The following MGST2 variants were observed in gnomAD, a reference collection of about 807,000 sequenced individuals.
MGST2 encodes glutathione peroxidase MGST2.
In MGST2, 9 loss-of-function variants were observed where a neutral mutation model predicts 16.6. That is an observed-to-expected ratio of 0.54 (90% confidence interval 0.33 to 0.95). MGST2 has a LOEUF of 0.95. Ranked by LOEUF, MGST2 falls within the 40% of genes least tolerant of loss-of-function variation. MGST2 has a pLI of 0.03. For synonymous variants in MGST2, 79 were observed against 68.0 expected (o/e 1.16, Z -0.79); for missense variants, 159 against 175.1 (o/e 0.91, Z 0.52).
downstream of MGST2, among the ~76,000 whole-genome samples, chr4:139,742,958 A>G (rs1277629950): frequency 2.6e-5 from 4 of 152,170 alleles, no homozygotes; most frequent in African/African-American, 9.6e-5. Context: ...CCAGTTTCCT[A>G]ATTTCTTTCC....
chr4:139,678,435 G>T, intron 1 of MGST2, 108 bp from the exon 2 acceptor site: 1 of 812,782 alleles, frequency 1.2e-6, no homozygotes, highest in South Asian at 1.5e-5. Flanking sequence ...TTTGATTTTA[G>T]ACATTGTAAT....
chr4:139,666,628 A>C (rs1163643208), intron 1 of MGST2, among the ~76,000 whole-genome samples: 1 of 152,208 alleles, frequency 6.6e-6, no homozygotes, highest in African/African-American at 2.4e-5. Flanking sequence ...ACAGCTTCCC[A>C]CTAGGATTAT....
chr4:139,745,377 CAGATT>C (rs1394811899), downstream of MGST2, among the ~76,000 whole-genome samples: 1 of 152,136 alleles, frequency 6.6e-6, no homozygotes, highest in African/African-American at 2.4e-5. Flanking sequence ...AAGCTAGTGT[CAGATT>C]AGAACAGGGC....
At chr4:139,686,089 T>C (rs1028339609) in intron 2 of MGST2, among the ~76,000 whole-genome samples, 4 of 152,232 alleles carry the variant, frequency 2.6e-5, no homozygotes, top group African/African-American at 9.6e-5. Context: ...TAGGGAGATA[T>C]GAAACTTCAA....
intron 5 of MGST2, among the ~76,000 whole-genome samples, chr4:139,710,963 C>T (rs780257114): frequency 1.3e-5 from 2 of 151,124 alleles, no homozygotes; most frequent in African/African-American, 2.4e-5. Context: ...GTGGGGGTAA[C>T]AGGACAGAGA....
intron 2 of MGST2, among the ~76,000 whole-genome samples, chr4:139,680,934 T>A (rs1209752731): frequency 2.6e-5 from 4 of 152,214 alleles, no homozygotes; most frequent in Non-Finnish European, 5.9e-5. Flanking sequence ...AATAGCATTG[T>A]GCTTGTTGAG....
At chr4:139,701,654 AG>A (rs1449914512) in intron 3 of MGST2, among the ~76,000 whole-genome samples, 5 of 152,120 alleles carry the variant, frequency 3.3e-5, no homozygotes, top group African/African-American at 1.2e-4. Context: ...CAATCCTTAA[AG>A]TAATACCTGG....
chr4:139,742,626 C>T (rs941147253), downstream of MGST2, among the ~76,000 whole-genome samples: 12 of 152,166 alleles, frequency 7.9e-5, no homozygotes, highest in African/African-American at 2.7e-4. Context: ...TGGTTCTTAA[C>T]GGTCACATCA....
At chr4:139,719,337 A>G (rs779890288) in intron 5 of MGST2, 8 of 1,591,646 alleles carry the variant, frequency 5.0e-6, no homozygotes. Flanking sequence ...GGGTTACCAA[A>G]CAATTCATCA....
chr4:139,721,826 A>G (rs562018778), intron 5 of MGST2, among the ~76,000 whole-genome samples: 2 of 152,330 alleles, frequency 1.3e-5, no homozygotes, highest in South Asian at 4.1e-4. Flanking sequence ...GTTCCTAGTA[A>G]AACACTGGAA....
intron 1 of MGST2, 40 bp downstream of exon 1, chr4:139,666,117 CGTGTGT>C (rs1553943707): frequency 2.8e-5 from 29 of 1,025,334 alleles, no homozygotes; most frequent in South Asian, 1.2e-4. Flanking sequence ...CGCGTGTGTG[CGTGTGT>C]GTGTGTGTGT....
chr4:139,745,257 T>C (rs1400242463), downstream of MGST2, among the ~76,000 whole-genome samples: 3 of 151,528 alleles, frequency 2.0e-5, no homozygotes, highest in Non-Finnish European at 4.4e-5. Context: ...CAGATCTGCA[T>C]GCAGGCAGAT....
At chr4:139,736,260 C>A (rs1439911590) in intron 5 of MGST2, among the ~76,000 whole-genome samples, 1 of 152,164 alleles carries the variant, frequency 6.6e-6, no homozygotes, top group African/African-American at 2.4e-5. Flanking sequence ...TCACCAGAAT[C>A]CAGAGGCTTT....
intron 3 of MGST2, among the ~76,000 whole-genome samples, chr4:139,697,397 G>A (rs1187969338): frequency 6.6e-6 from 1 of 151,992 alleles, no homozygotes; most frequent in African/African-American, 2.4e-5. Flanking sequence ...TCTTAATGGT[G>A]CCTGGGAACT....
chr4:139,678,585 A>C lies in MGST2; in HGVS notation c.101A>C (p.Lys34Thr). The change falls in exon 2 of 5, where the codon AAA (lysine) becomes ACA (threonine). Residue 34 changes from lysine (K) to threonine (T), a missense_variant. Transcript: ENST00000265498. ...LQVGKARLKYKVTPPAVTGSP... is the reference protein window; with the variant it reads ...LQVGKARLKYTVTPPAVTGSP... The stretch of plus-strand genomic sequence containing the variant: ...GTTGGAAAGGCAAGATTAAAATACA[A>C]AGTTACGCCCCCAGCAGTCACTGGG... 6.2e-7 allele frequency: 1 copy of C among 1,614,184 alleles called. No individual in the cohort carries two copies. The highest frequency in any genetic ancestry group is 8.5e-7 in the Non-Finnish European group (1 of 1,180,010).
At chr4:139,725,638 T>G in intron 5 of MGST2, 1 of 1,027,556 alleles carries the variant, frequency 9.7e-7, no homozygotes, top group Non-Finnish European at 1.5e-6. Flanking sequence ...AGTTACATAT[T>G]TTGAGTATTT....
At chr4:139,681,319 A>C (rs1347345236) in intron 2 of MGST2, among the ~76,000 whole-genome samples, 1 of 152,184 alleles carries the variant, frequency 6.6e-6, no homozygotes, top group Non-Finnish European at 1.5e-5. Context: ...CTCCTGGCCC[A>C]GAATATTTTT....
intron 3 of MGST2, among the ~76,000 whole-genome samples, chr4:139,701,258 C>T (rs1727233899): frequency 6.6e-6 from 1 of 151,366 alleles, no homozygotes; most frequent in East Asian, 2.0e-4. Flanking sequence ...AGTAAGTCAC[C>T]TACTAACTGT....
chr4:139,723,232 T>C (rs1005097880), intron 5 of MGST2, among the ~76,000 whole-genome samples: 12 of 152,254 alleles, frequency 7.9e-5, no homozygotes, highest in Admixed American at 7.2e-4. Flanking sequence ...GGTGTCTATT[T>C]ATATAGAAAC....
Sources: allele counts gnomAD v4.1 joint callset (sites outside exome capture counted in the v4.1 genomes callset), GRCh38; gene constraint gnomAD v4.1.1; transcripts MANE v1.5; gene names NCBI Gene and HGNC (gene_info 2026-07-23, HGNC 2026-07-21).